Variants in HDAC9 observed in about 807,000 individuals in gnomAD.
The protein encoded by HDAC9 is histone deacetylase 9.
In HDAC9, 41 loss-of-function variants were observed where a neutral mutation model predicts 139.4. The observed-to-expected ratio is 0.29, with a 90% confidence interval of 0.23 to 0.38. HDAC9 has a LOEUF of 0.38. Ranked by LOEUF, HDAC9 falls within the 10% of genes least tolerant of loss-of-function variation. The probability of loss-of-function intolerance (pLI) is 1.00; values close to 1 mark genes in which losing one functional copy is unlikely to be tolerated. For missense variants in HDAC9, 1,147 were observed against 1,297.0 expected, an observed-to-expected ratio of 0.88 and a Z score of 1.78; for synonymous variants, 517 against 476.2, an observed-to-expected ratio of 1.09 and a Z score of -1.12.
intron 12 of HDAC9, among the ~76,000 whole-genome samples, chr7:18,678,776 T>G (rs1025570181): frequency 2.0e-5 from 3 of 151,956 alleles, no homozygotes; most frequent in African/African-American, 7.2e-5. Flanking sequence ...TGAATATGGT[T>G]CATATTTTCC....
intron 23 of HDAC9, among the ~76,000 whole-genome samples, 155 bp from the exon 24 acceptor site, chr7:18,953,991 T>C (rs534951579): frequency 6.6e-6 from 1 of 152,154 alleles, no homozygotes; most frequent in Admixed American, 6.6e-5. Flanking sequence ...AAAATAAAAC[T>C]GGCTACACTT....
At position 18,743,062 on chromosome 7, in the gene HDAC9, T is replaced by G. The variant is rs1787602866; in HGVS notation, c.1910-5943T>G. Among the ~76,000 whole-genome samples the G allele has an allele frequency of 2.0e-5, 3 of 152,360 alleles. No homozygotes were observed. The South Asian group carries it at 6.2e-4, about 32-fold the overall frequency. ...TATTTTCTTCATAATATCCGTAGTA[T>G]ATTCTCAACGGCCCTGTTTTTTTTT... On this transcript the variant is annotated intron_variant, in intron 13 of 25. Transcript: ENST00000686413.
chr7:18,702,515 A>G (rs904630633), intron 12 of HDAC9, among the ~76,000 whole-genome samples: 1 of 152,220 alleles, frequency 6.6e-6, no homozygotes, highest in African/African-American at 2.4e-5. Context: ...GCTAAACATT[A>G]GATGGCTTAA....
chr7:18,226,228 ATGTTTCT>A, intron 2 of HDAC9, among the ~76,000 whole-genome samples: 1 of 152,304 alleles, frequency 6.6e-6, no homozygotes, highest in South Asian at 2.1e-4. Context: ...ATACTGGAGC[ATGTTTCT>A]TGTCTCAAGG....
chr7:18,127,272 A>G (rs1425643019), intron 1 of HDAC9: 1 of 170,252 alleles, frequency 5.9e-6, no homozygotes, highest in African/African-American at 2.4e-5. Flanking sequence ...TGTCCTAAAT[A>G]TTGTGTGGGC....
intron 21 of HDAC9, among the ~76,000 whole-genome samples, chr7:18,865,745 CAT>C (rs1254254318): frequency 6.6e-6 from 1 of 152,032 alleles, no homozygotes; most frequent in Non-Finnish European, 1.5e-5. Context: ...CATGCACAAA[CAT>C]AGGTGAATGC....
rs113294827 is a variant in HDAC9 at position 18,334,948 on chromosome 7, C to G, written c.-42+44433C>G. 3.8e-3 allele frequency among the ~76,000 whole-genome samples: 573 copies of G among 151,632 alleles called. 3 individuals are homozygous for G. Among genetic ancestry groups the G allele is most frequent in the African/African-American group, 0.013 (555 of 41,456 alleles). On this transcript the variant is annotated intron_variant, in intron 1 of 3. Transcript: ENST00000413509. The stretch of plus-strand genomic sequence containing the variant: ...AATCACCAGATCACTTCTCTCCCCT[C>G]TTTGGCTCACTACCCTGCACACTTA...
At chr7:18,239,390 T>C (rs955290029) in intron 2 of HDAC9, among the ~76,000 whole-genome samples, 3 of 152,076 alleles carry the variant, frequency 2.0e-5, no homozygotes, top group Non-Finnish European at 4.4e-5. Context: ...TGCAACCACA[T>C]AGCATGGAGA....
intron 1 of HDAC9, among the ~76,000 whole-genome samples, chr7:18,381,554 G>A (rs1039180174): frequency 1.3e-5 from 2 of 152,054 alleles, no homozygotes; most frequent in African/African-American, 4.8e-5. Context: ...ATATCATAAT[G>A]TATGGCATAG....
intron 2 of HDAC9, among the ~76,000 whole-genome samples, chr7:18,514,107 A>G (rs916485965): frequency 1.6e-4 from 24 of 152,342 alleles, no homozygotes; most frequent in Admixed American, 5.2e-4. Context: ...TGATACCTCA[A>G]AACAATCTGA....
chr7:18,489,484 A>T (rs1796208992), intron 1 of HDAC9, among the ~76,000 whole-genome samples: 1 of 151,982 alleles, frequency 6.6e-6, no homozygotes, highest in African/African-American at 2.4e-5. Flanking sequence ...AATCCTGAGA[A>T]ATTTATTATT....
In HDAC9 at chr7:18,490,550, A is replaced by G. The variant is rs113767601; in HGVS notation, c.-41-5712A>G. Among the ~76,000 whole-genome samples, 1,268 of 152,158 alleles carry G rather than the reference A, an allele frequency of 8.3e-3. 19 individuals carry two copies. Among genetic ancestry groups the G allele is most frequent in the African/African-American group, 0.029 (1,204 of 41,546 alleles). On this transcript the variant is annotated intron_variant, in intron 1 of 3. Coordinates refer to the HDAC9 transcript ENST00000413509. ...CGTCAGATGAGGAAGATTTTCTCAG[A>G]AGACCATTTGTTATCTAATTAGGCT... is the stretch of plus-strand genomic sequence containing the variant.
At chr7:18,129,249 GT>G (rs1784858320) in intron 1 of HDAC9, among the ~76,000 whole-genome samples, 1 of 152,074 alleles carries the variant, frequency 6.6e-6, no homozygotes, top group South Asian at 2.1e-4. Context: ...TTGAAAAACA[GT>G]TTTTAAACTG....
chr7:18,231,709 AATGCAGAAAATTG>A (rs1186234707), intron 2 of HDAC9, among the ~76,000 whole-genome samples: 1 of 152,140 alleles, frequency 6.6e-6, no homozygotes, highest in Non-Finnish European at 1.5e-5. Context: ...GGAGCTAGGA[AATGCAGAAAATTG>A]ATGCAGAAGG....
At chr7:18,411,796 A>C (rs1788576426) in intron 1 of HDAC9, among the ~76,000 whole-genome samples, 3 of 146,154 alleles carry the variant, frequency 2.1e-5, no homozygotes, top group Non-Finnish European at 1.5e-5. Context: ...GGTTTGGTGT[A>C]CTAAATGTAA....
chr7:18,988,751 A>T (rs1462054497), intron 25 of HDAC9, among the ~76,000 whole-genome samples: 1 of 151,590 alleles, frequency 6.6e-6, no homozygotes, highest in African/African-American at 2.4e-5. Flanking sequence ...GTGCCCCTGT[A>T]TTGGGTGCAT....
intron 21 of HDAC9, among the ~76,000 whole-genome samples, chr7:18,860,886 T>A (rs1356148483): frequency 1.3e-5 from 2 of 152,080 alleles, no homozygotes; most frequent in African/African-American, 4.8e-5. Context: ...CAAAGACCCT[T>A]GCCCGCTCTC....
chr7:18,317,397 C>T (rs1056423245), intron 1 of HDAC9, among the ~76,000 whole-genome samples: 1 of 151,950 alleles, frequency 6.6e-6, no homozygotes, highest in African/African-American at 2.4e-5. Flanking sequence ...ATCTTGAGGG[C>T]GTTGCTCTTA....
chr7:18,489,941 A>C (rs1796243084), intron 1 of HDAC9, among the ~76,000 whole-genome samples: 1 of 151,998 alleles, frequency 6.6e-6, no homozygotes, highest in South Asian at 2.1e-4. Flanking sequence ...CCATCATCTT[A>C]AGAGTACAAT....
Sources: gnomAD v4.1 joint callset for allele counts (sites outside exome capture counted in the v4.1 genomes callset) on GRCh38, gnomAD v4.1.1 for gene constraint, MANE v1.5 for transcripts, NCBI Gene and HGNC (gene_info 2026-07-23, HGNC 2026-07-21) for gene names.